NPFFR2: variants seen among roughly 807,000 people sequenced by gnomAD.
NPFFR2 encodes G-protein coupled receptor 74.
In NPFFR2, 15 loss-of-function variants were observed where a neutral mutation model predicts 13.1. The observed-to-expected ratio is 1.15, with a 90% CI of 0.77 to 1.76. The LOEUF (loss-of-function observed/expected upper bound fraction) is 1.76, where lower values mean the gene tolerates loss of function less well. Among genes scored for constraint, NPFFR2 ranks in the 40% most tolerant of loss-of-function variants. The pLI is 0.00. For missense variants in NPFFR2, 572 were observed against 503.5 expected, an observed-to-expected ratio of 1.14 and a Z score of -1.30; for synonymous variants, 190 against 175.7, an observed-to-expected ratio of 1.08 and a Z score of -0.65.
At chr4:72,057,194 TC>T (rs369467823) in intron 1 of NPFFR2, among the ~76,000 whole-genome samples, 40,073 of 151,950 alleles carry the variant, frequency 0.26, 5,967 homozygotes, top group Middle Eastern at 0.38. Flanking sequence ...GCAATCATCA[TC>T]ATCATCATCA....
At position 72,132,612 on chromosome 4, in the gene NPFFR2, C is replaced by T. The variant is rs144537495; in HGVS notation, c.328+3693C>T. On this transcript the variant is annotated intron_variant, in intron 2 of 3. Transcript: ENST00000308744. ...ATGGTTGAACTCATTTACATTTGCA[C>T]CAACAGTGTGAAAGTGTTTATTTTT... 2.9e-3 allele frequency among the ~76,000 whole-genome samples: 444 copies of T among 152,290 alleles called. 1 individual carries two copies. The highest frequency in any genetic ancestry group is 0.01 in the Middle Eastern group (3 of 294).
At chr4:72,037,060 T>G (rs545077846) in intron 1 of NPFFR2, among the ~76,000 whole-genome samples, 1 of 152,028 alleles carries the variant, frequency 6.6e-6, no homozygotes, top group Non-Finnish European at 1.5e-5. Context: ...ATTCCCTACT[T>G]TTCCTTAAAG....
At chr4:72,141,901 T>C (rs1722638331) in intron 3 of NPFFR2, among the ~76,000 whole-genome samples, 3 of 152,154 alleles carry the variant, frequency 2.0e-5, no homozygotes, top group Admixed American at 2.0e-4. Flanking sequence ...TCTAAGTCTA[T>C]TTGTAGGTCT....
intron 1 of NPFFR2, among the ~76,000 whole-genome samples, chr4:72,081,491 G>GTTTTT (rs11435353): frequency 1.4e-5 from 2 of 143,916 alleles, no homozygotes; most frequent in Non-Finnish European, 3.0e-5. Flanking sequence ...TTTAAGAATT[G>GTTTTT]TTTTTTTTTT....
At chr4:72,082,784 C>T (rs952482007) in intron 1 of NPFFR2, among the ~76,000 whole-genome samples, 17 of 152,064 alleles carry the variant, frequency 1.1e-4, no homozygotes, top group Non-Finnish European at 2.2e-4. Context: ...AACCTTGTAT[C>T]CTTTGATCAA....
intron 1 of NPFFR2, among the ~76,000 whole-genome samples, chr4:72,032,649 A>G (rs1397843041): frequency 6.6e-6 from 1 of 152,198 alleles, no homozygotes; most frequent in Non-Finnish European, 1.5e-5. Context: ...AAAAGCTGAA[A>G]TCAGGTTTCT....
At chr4:72,140,421 GA>G (rs1303092449) in intron 3 of NPFFR2, among the ~76,000 whole-genome samples, 16 of 152,072 alleles carry the variant, frequency 1.1e-4, no homozygotes, top group Admixed American at 1.0e-3. Context: ...TTATTATTTT[GA>G]GATACATTCC....
chr4:72,081,113 TC>T (rs1314250527), intron 1 of NPFFR2, among the ~76,000 whole-genome samples: 1 of 152,108 alleles, frequency 6.6e-6, no homozygotes, highest in Non-Finnish European at 1.5e-5. Context: ...CTCCAAAACT[TC>T]CCTCTGAAAA....
chr4:72,142,663 A>T (rs1356866949), intron 3 of NPFFR2, among the ~76,000 whole-genome samples: 1 of 152,236 alleles, frequency 6.6e-6, no homozygotes, highest in African/African-American at 2.4e-5. Context: ...TTTAAAAATA[A>T]ATAATTGGAG....
Position 72,035,573 on chromosome 4 carries a change from T to C in NPFFR2, c.-8+3373T>C, listed in dbSNP as rs538285955. ...AATGCCACACATGACTGACAAGACA[T>C]GTCCTGTTCTGGTTTCCATGTCAAA... On this transcript the variant is annotated intron_variant, in intron 1 of 3. Coordinates refer to ENST00000308744, the MANE Select transcript of NPFFR2 (RefSeq NM_004885.3). Among the ~76,000 whole-genome samples, 3 of 152,304 alleles carry C rather than the reference T, an allele frequency of 2.0e-5. No individual in the cohort carries two copies. In the South Asian group the frequency reaches 6.2e-4, roughly 32 times the overall value.
intron 1 of NPFFR2, among the ~76,000 whole-genome samples, chr4:72,084,633 G>A (rs1224118708): frequency 6.6e-6 from 1 of 152,162 alleles, no homozygotes; most frequent in African/African-American, 2.4e-5. Flanking sequence ...AGCAACAGCT[G>A]TGGTGAACAA....
chr4:72,065,240 A>G (rs930350314), intron 1 of NPFFR2, among the ~76,000 whole-genome samples: 3 of 152,214 alleles, frequency 2.0e-5, no homozygotes, highest in African/African-American at 7.2e-5. Context: ...AAGAAATGAC[A>G]TTAACATTGA....
chr4:72,116,187 C>T (rs1256734288), intron 1 of NPFFR2, among the ~76,000 whole-genome samples: 1 of 152,030 alleles, frequency 6.6e-6, no homozygotes, highest in Non-Finnish European at 1.5e-5. Flanking sequence ...TTTTCTGTAA[C>T]AAGCTGTGTG....
chr4:72,085,081 A>G (rs1720729275), intron 1 of NPFFR2, among the ~76,000 whole-genome samples: 1 of 152,138 alleles, frequency 6.6e-6, no homozygotes, highest in Non-Finnish European at 1.5e-5. Context: ...AAGACATTTC[A>G]TAAAATAATG....
At chr4:72,112,149 TTAAG>T (rs537102435) in intron 1 of NPFFR2, among the ~76,000 whole-genome samples, 49 of 152,132 alleles carry the variant, frequency 3.2e-4, no homozygotes, top group African/African-American at 1.1e-3. Flanking sequence ...AGGCTGCTGT[TTAAG>T]TACTTTCCAT....
At chr4:72,049,486 A>C (rs1376831309) in intron 1 of NPFFR2, among the ~76,000 whole-genome samples, 1 of 152,100 alleles carries the variant, frequency 6.6e-6, no homozygotes, top group Non-Finnish European at 1.5e-5. Flanking sequence ...CTTTTGGCTA[A>C]AGCTGTAGAA....
chr4:72,047,483 A>G (rs1158956908), intron 1 of NPFFR2, among the ~76,000 whole-genome samples: 1 of 152,080 alleles, frequency 6.6e-6, no homozygotes, highest in African/African-American at 2.4e-5. Flanking sequence ...GGAGCATCTC[A>G]TATCTAACAT....
chr4:72,146,223 G>A (rs1722778539), intron 3 of NPFFR2, among the ~76,000 whole-genome samples: 2 of 152,214 alleles, frequency 1.3e-5, no homozygotes, highest in Non-Finnish European at 2.9e-5. Flanking sequence ...TCATGTTGCA[G>A]CATTAATCTG....
chr4:72,094,821 T>G (rs1036860821), intron 1 of NPFFR2, among the ~76,000 whole-genome samples: 1 of 152,184 alleles, frequency 6.6e-6, no homozygotes, highest in African/African-American at 2.4e-5. Flanking sequence ...CTTCAAAAAG[T>G]CTGTGGAAGT....
Sources: allele counts gnomAD v4.1 joint callset (sites outside exome capture counted in the v4.1 genomes callset), GRCh38; gene constraint gnomAD v4.1.1; transcripts MANE v1.5; gene names NCBI Gene and HGNC (gene_info 2026-07-23, HGNC 2026-07-21).